The following ARHGAP8 variants were observed in gnomAD, a reference collection of about 807,000 sequenced individuals.
ARHGAP8 encodes the protein rho GTPase-activating protein 8.
In ARHGAP8, 62 loss-of-function variants were observed where a neutral mutation model predicts 46.1. The observed-to-expected ratio is 1.34, with a 90% CI of 1.10 to 1.66. The LOEUF (loss-of-function observed/expected upper bound fraction) is 1.66, where lower values mean the gene tolerates loss of function less well. ARHGAP8 is among the 40% of genes most tolerant of loss of function. The probability of loss-of-function intolerance (pLI) is 0.00; values close to 1 mark genes in which losing one functional copy is unlikely to be tolerated. For synonymous variants in ARHGAP8, 375 were observed against 243.1 expected, an observed-to-expected ratio of 1.54 and a Z score of -5.05; for missense variants, 923 against 568.4, an observed-to-expected ratio of 1.62 and a Z score of -6.34.
intron 11 of ARHGAP8, among the ~76,000 whole-genome samples, chr22:44,861,857 C>T (rs906715830): frequency 6.6e-6 from 1 of 152,192 alleles, no homozygotes; most frequent in Non-Finnish European, 1.5e-5. Flanking sequence ...ACTCTCCCTG[C>T]CCCTCGTAGT....
chr22:44,854,710 C>T (rs868541269), intron 10 of ARHGAP8, among the ~76,000 whole-genome samples: 3 of 152,184 alleles, frequency 2.0e-5, no homozygotes, highest in Admixed American at 6.5e-5. Context: ...ACCATCTCAG[C>T]TCACTGCAAC....
chr22:44,849,410 A>C, intron 10 of ARHGAP8: 1 of 302,626 alleles, frequency 3.3e-6, no homozygotes, highest in Non-Finnish European at 6.3e-6. Flanking sequence ...CCAGACCCTC[A>C]GCTCTCTCAT....
At chr22:44,771,675 C>G (rs565159522) in intron 1 of ARHGAP8, among the ~76,000 whole-genome samples, 5 of 152,024 alleles carry the variant, frequency 3.3e-5, no homozygotes, top group African/African-American at 1.2e-4. Context: ...CTGCCTCAGA[C>G]TCCCGAGTAG....
chr22:44,771,339 CT>C (rs1352189257), intron 1 of ARHGAP8, among the ~76,000 whole-genome samples: 1 of 149,420 alleles, frequency 6.7e-6, no homozygotes, highest in Non-Finnish European at 1.5e-5. Context: ...CTCTGGCTCC[CT>C]GGTTCAAGCA....
chr22:44,836,048 T>C (rs1200912965), intron 7 of ARHGAP8, among the ~76,000 whole-genome samples: 1 of 152,106 alleles, frequency 6.6e-6, no homozygotes, highest in African/African-American at 2.4e-5. Context: ...ATTAGAGTTT[T>C]GGGGACTGAC....
chr22:44,761,667 T>C (rs1267702990), intron 1 of ARHGAP8, among the ~76,000 whole-genome samples: 3 of 152,124 alleles, frequency 2.0e-5, no homozygotes, highest in Admixed American at 2.0e-4. Flanking sequence ...TAAGAGTATA[T>C]GGAGAGGGGC....
At chr22:44,861,371 A>G (rs2070474241) in intron 11 of ARHGAP8, among the ~76,000 whole-genome samples, 1 of 152,144 alleles carries the variant, frequency 6.6e-6, no homozygotes, top group African/African-American at 2.4e-5. Flanking sequence ...GTTGCGTGTT[A>G]TCACCCCAGT....
chr22:44,844,057 C>T (rs1269317322), intron 7 of ARHGAP8, among the ~76,000 whole-genome samples: 11 of 152,112 alleles, frequency 7.2e-5, no homozygotes, highest in East Asian at 5.8e-4. Context: ...CTGCAACTTC[C>T]GCCTCCTGGG....
intron 1 of ARHGAP8, among the ~76,000 whole-genome samples, chr22:44,777,998 T>TTTTA (rs59802896): frequency 0.041 from 5,880 of 143,748 alleles, 180 homozygotes; most frequent in East Asian, 0.15. Flanking sequence ...GCCTGGACTA[T>TTTTA]TTTATTTATT....
In ARHGAP8 at chr22:44,768,992, G is replaced by A. The variant is rs1450052196; in HGVS notation, c.-72+16365G>A. ...TGGGATTACACGTGTGCACCATCAT[G>A]CCTGGCTAATTTTTGTATTTTTAGT... On this transcript the variant is annotated intron_variant, in intron 1 of 11. Coordinates refer to ENST00000356099, the MANE Select transcript of ARHGAP8 (RefSeq NM_181335.3). 2.6e-5 allele frequency among the ~76,000 whole-genome samples: 4 copies of A among 152,146 alleles called. No individual in the cohort carries two copies. The East Asian group carries it at 5.8e-4, about 22-fold the overall frequency.
Position 44,786,323 on chromosome 22 carries a change from GCAC to G in ARHGAP8, c.-71-133_-71-131del. 2.9e-6 allele frequency: 3 copies of G among 1,039,684 alleles called. No individual in the cohort carries two copies. In the South Asian group the frequency reaches 5.3e-5, roughly 18 times the overall value. The allele number at this position is 1,039,684 out of a possible 1,614,324, so 64.4% of individuals were successfully genotyped here. A position where few individuals can be genotyped will look rare whatever the true frequency, so the allele number is the denominator to read the frequency against. On this transcript the variant is annotated intron_variant, in intron 1 of 11. Coordinates refer to ENST00000356099, the MANE Select transcript of ARHGAP8 (RefSeq NM_181335.3). ...GGCTGAGGCAGGGCGCGTAGTGGGT[GCAC>G]GGCTGAGGTAGGGCGCGTAGTGGGT...
intron 7 of ARHGAP8, among the ~76,000 whole-genome samples, chr22:44,839,180 C>T (rs555870724): frequency 4.7e-4 from 71 of 152,258 alleles, no homozygotes; most frequent in African/African-American, 1.6e-3. Context: ...GGCCCCAGGA[C>T]GCCTTCTCCC....
intron 5 of ARHGAP8, 113 bp downstream of exon 5, chr22:44,814,871 T>C: frequency 2.3e-6 from 3 of 1,292,950 alleles, no homozygotes; most frequent in South Asian, 2.8e-5. Context: ...CCAGGGTGCC[T>C]GTGTATCTGG....
chr22:44,837,723 C>A (rs1471338430), intron 7 of ARHGAP8, among the ~76,000 whole-genome samples: 2 of 152,050 alleles, frequency 1.3e-5, no homozygotes, highest in Admixed American at 6.6e-5. Context: ...GAGGAGAAAC[C>A]CAAATTGTGG....
Position 44,853,461 on chromosome 22 carries a change from A to T in ARHGAP8, c.877+4401A>T, listed in dbSNP as rs369645781. Among the ~76,000 whole-genome samples the T allele has an allele frequency of 2.6e-5, 4 of 152,250 alleles. No homozygotes were observed. In the South Asian group the frequency reaches 8.3e-4, roughly 32 times the overall value. On this transcript the variant is annotated intron_variant, in intron 10 of 11. Coordinates refer to ENST00000356099, the MANE Select transcript of ARHGAP8 (RefSeq NM_181335.3). ...TTAGCTTGGAGCGTCGTAGCCAGAT[A>T]TTGGAGGAAAGGAGAGGAACTGAGA...
Position 44,862,320 on chromosome 22 carries a change from G to T in ARHGAP8, c.1027G>T (p.Ala343Ser). 1.2e-6 allele frequency: 2 copies of T among 1,613,592 alleles called. No individual in the cohort carries two copies. The highest frequency in any genetic ancestry group is 1.3e-5 in the African/African-American group (1 of 75,022). Residue 343 changes from alanine to serine, a missense_variant, in exon 12 of 12, where the codon GCC (alanine) becomes TCC (serine). Physicochemically the swap from Ala to Ser is moderately conservative, Grantham distance 99. Coordinates refer to ENST00000356099, the MANE Select transcript of ARHGAP8 (RefSeq NM_181335.3). Reference sequence around the variant, plus strand: ...CAACAAAATGAACAGCTCTAACCTGGCCTGTGTCTTCGGGCTGAATTTGAT... The same window carrying T: ...CAACAAAATGAACAGCTCTAACCTGTCCTGTGTCTTCGGGCTGAATTTGAT... ...IFNKMNSSNL[A>S]CVFGLNLIWP...
At chr22:44,850,782 T>C (rs1156866541) in intron 10 of ARHGAP8, 1 of 152,040 alleles carries the variant, frequency 6.6e-6, no homozygotes, top group Non-Finnish European at 1.5e-5. Flanking sequence ...CTGGTCAACA[T>C]GGCAAAACCC....
chr22:44,824,372 G>T, intron 6 of ARHGAP8, among the ~76,000 whole-genome samples: 1 of 152,194 alleles, frequency 6.6e-6, no homozygotes, highest in East Asian at 1.9e-4. Flanking sequence ...GTGCTTGGCT[G>T]GCCAGGCTCA....
intron 7 of ARHGAP8, among the ~76,000 whole-genome samples, chr22:44,831,738 G>A (rs990343183): frequency 9.9e-5 from 15 of 152,076 alleles, no homozygotes; most frequent in Admixed American, 3.3e-4. Flanking sequence ...CCCCCATTCA[G>A]TTGTCTTGGT....
Sources: gnomAD v4.1 joint callset for allele counts (sites outside exome capture counted in the v4.1 genomes callset) on GRCh38, gnomAD v4.1.1 for gene constraint, MANE v1.5 for transcripts, NCBI Gene and HGNC (gene_info 2026-07-23, HGNC 2026-07-21) for gene names.